COL5A2: variants seen among roughly 807,000 people sequenced by gnomAD.
COL5A2 encodes the protein collagen type V alpha 2 chain.
Under a neutral mutation model 208.2 loss-of-function variants are expected in COL5A2, and 23 were observed. The ratio of observed to expected loss-of-function variants is 0.11; its 90% CI spans 0.08 to 0.16. COL5A2 has a LOEUF of 0.16. Ranked by LOEUF, COL5A2 falls within the 10% of genes least tolerant of loss-of-function variation. COL5A2 has a pLI of 1.00. For missense variants in COL5A2, 1,590 were observed against 1,956.4 expected (o/e 0.81, Z 3.53); for synonymous variants, 625 against 628.5 (o/e 0.99, Z 0.08).
At chr2:189,306,576 T>C in the COL5A2 span, among the ~76,000 whole-genome samples, 25 of 152,214 alleles carry the variant, frequency 1.6e-4, no homozygotes, top group Non-Finnish European at 2.8e-4. Context: ...TTCTGGTGCA[T>C]AGCTTCCTCA....
the COL5A2 span, among the ~76,000 whole-genome samples, chr2:189,388,230 A>G: frequency 6.6e-6 from 1 of 152,192 alleles, no homozygotes; most frequent in Non-Finnish European, 1.5e-5. Flanking sequence ...ATATGAAAAT[A>G]AAGAGTGACA....
chr2:189,201,557 G>T (rs970318104), intron 1 of COL5A2, among the ~76,000 whole-genome samples: 2 of 151,934 alleles, frequency 1.3e-5, no homozygotes, highest in African/African-American at 2.4e-5. Context: ...TATTCAAAAA[G>T]ATAATGGCTA....
At chr2:189,119,713 A>G (rs1038948571) in intron 1 of COL5A2, among the ~76,000 whole-genome samples, 1 of 152,052 alleles carries the variant, frequency 6.6e-6, no homozygotes, top group African/African-American at 2.4e-5. Flanking sequence ...TCTTTCAAAA[A>G]TTTGCTTAAT....
chr2:189,339,909 A>C, the COL5A2 span, among the ~76,000 whole-genome samples: 3 of 152,210 alleles, frequency 2.0e-5, no homozygotes, highest in Admixed American at 6.5e-5. Context: ...GACTGAGAGG[A>C]TCAATGTCCA....
the COL5A2 span, among the ~76,000 whole-genome samples, chr2:189,262,316 C>T: frequency 6.6e-6 from 1 of 151,974 alleles, no homozygotes; most frequent in African/African-American, 2.4e-5. Context: ...TTTTAGTTTT[C>T]TTGGTCCTTC....
chr2:189,280,290 A>C, the COL5A2 span, among the ~76,000 whole-genome samples: 1 of 152,130 alleles, frequency 6.6e-6, no homozygotes, highest in Non-Finnish European at 1.5e-5. Context: ...CTTTTCCCTG[A>C]ACTTTCATGA....
At chr2:189,140,482 CAAAG>C (rs1687914867) in intron 1 of COL5A2, among the ~76,000 whole-genome samples, 1 of 151,992 alleles carries the variant, frequency 6.6e-6, no homozygotes, top group African/African-American at 2.4e-5. Context: ...GAAATTTAAA[CAAAG>C]AGACACCACT....
At chr2:189,239,981 G>GT in the COL5A2 span, among the ~76,000 whole-genome samples, 5 of 152,146 alleles carry the variant, frequency 3.3e-5, no homozygotes, top group South Asian at 1.0e-3. Flanking sequence ...ACTCTGTACT[G>GT]TTTTAAGCCA....
At chr2:189,348,879 C>A in the COL5A2 span, among the ~76,000 whole-genome samples, 2 of 152,158 alleles carry the variant, frequency 1.3e-5, no homozygotes, top group Non-Finnish European at 2.9e-5. Flanking sequence ...GCTGTAGATT[C>A]TGTTACCAGC....
intron 15 of COL5A2, 33 bp downstream of exon 15, chr2:189,079,030 A>T: frequency 6.4e-7 from 1 of 1,566,944 alleles, no homozygotes; most frequent in Non-Finnish European, 8.8e-7. Flanking sequence ...ATATAACCTT[A>T]GAAATTTAAG....
the COL5A2 span, among the ~76,000 whole-genome samples, chr2:189,285,147 GA>G: frequency 1.4e-5 from 2 of 146,220 alleles, no homozygotes; most frequent in Non-Finnish European, 3.0e-5. Flanking sequence ...CTTTATGAAG[GA>G]AGAAAGATAA....
At chr2:189,193,362 GA>G (rs889445133) in intron 1 of COL5A2, among the ~76,000 whole-genome samples, 1 of 151,858 alleles carries the variant, frequency 6.6e-6, no homozygotes, top group African/African-American at 2.4e-5. Flanking sequence ...ATCCTGCTGG[GA>G]AAAAAATAGA....
chr2:189,165,095 C>T (rs900477061), intron 1 of COL5A2, among the ~76,000 whole-genome samples: 1 of 152,160 alleles, frequency 6.6e-6, no homozygotes, highest in African/African-American at 2.4e-5. Flanking sequence ...AACAACTCTA[C>T]CAAAGGCAAA....
At chr2:189,416,598 T>C in the COL5A2 span, among the ~76,000 whole-genome samples, 7 of 152,124 alleles carry the variant, frequency 4.6e-5, no homozygotes, top group African/African-American at 1.7e-4. Flanking sequence ...CATTAGGAGA[T>C]ATACCTAATG....
At chr2:189,229,034 A>G (rs1387405249), upstream of COL5A2, among the ~76,000 whole-genome samples, 1 of 151,906 alleles carries the variant, frequency 6.6e-6, no homozygotes, top group Non-Finnish European at 1.5e-5. Flanking sequence ...GATTCACCAC[A>G]TTAACAGAAT....
chr2:189,419,907 G>A, the COL5A2 span, among the ~76,000 whole-genome samples: 2 of 146,344 alleles, frequency 1.4e-5, no homozygotes, highest in Non-Finnish European at 3.0e-5. Flanking sequence ...AGGAGAAGAG[G>A]AGGAGGAGAA....
chr2:189,082,406 C>T (rs1686554873), intron 12 of COL5A2, among the ~76,000 whole-genome samples: 1 of 152,106 alleles, frequency 6.6e-6, no homozygotes, highest in Admixed American at 6.5e-5. Flanking sequence ...TTTACACAAC[C>T]CCGCTCAAGA....
Position 189,052,808 on chromosome 2 carries a change from T to G in COL5A2, c.2662-6A>C. 1 of 1,614,130 alleles carries G rather than the reference T, an allele frequency of 6.2e-7. No individual in the cohort carries two copies. Among genetic ancestry groups the G allele is most frequent in the South Asian group, 1.1e-5 (1 of 91,074 alleles). ...CCAGGAACACCATTAGGACCCTGAA[T>G]AGAAACAAACAAAAGAGCACTATAG... is the stretch of plus-strand genomic sequence containing the variant. On this transcript the variant is annotated splice_polypyrimidine_tract_variant and splice_region_variant and intron_variant, in intron 39 of 53. Transcript: ENST00000374866.
the COL5A2 span, among the ~76,000 whole-genome samples, chr2:189,394,052 T>G: frequency 2.0e-4 from 31 of 152,174 alleles, no homozygotes; most frequent in Non-Finnish European, 4.4e-5. Flanking sequence ...TGAGCATACC[T>G]CCTAATCACA....
Sources: gnomAD v4.1 joint callset for allele counts (sites outside exome capture counted in the v4.1 genomes callset) on GRCh38, gnomAD v4.1.1 for gene constraint, MANE v1.5 for transcripts, NCBI Gene and HGNC (gene_info 2026-07-23, HGNC 2026-07-21) for gene names.